Variants in CSMD1 observed in about 807,000 individuals in gnomAD.
The protein encoded by CSMD1 is CUB and sushi domain-containing protein 1.
In CSMD1, 213 loss-of-function variants were observed where a neutral mutation model predicts 417.5. That is an observed-to-expected ratio of 0.51 (90% CI 0.46 to 0.57). The LOEUF is 0.57. Among genes scored for constraint, CSMD1 ranks in the 20% least tolerant of loss-of-function variants. The pLI is 0.00. For synonymous variants in CSMD1, 2,862 were observed against 1,736.8 expected, an observed-to-expected ratio of 1.65 and a Z score of -16.11; for missense variants, 6,923 against 4,529.7, an observed-to-expected ratio of 1.53 and a Z score of -15.17.
intron 5 of CSMD1, among the ~76,000 whole-genome samples, chr8:3,885,781 C>A (rs1348107627): frequency 1.3e-5 from 2 of 152,138 alleles, no homozygotes; most frequent in Non-Finnish European, 2.9e-5. Flanking sequence ...TTATTTATGA[C>A]AGAAAGCTGA....
At chr8:4,728,770 T>A (rs534307345) in intron 1 of CSMD1, among the ~76,000 whole-genome samples, 5 of 151,642 alleles carry the variant, frequency 3.3e-5, no homozygotes, top group East Asian at 3.9e-4. Context: ...AAAAAAAAAA[T>A]AACCAGATGT....
chr8:3,068,670 C>T (rs1447143684), intron 49 of CSMD1, among the ~76,000 whole-genome samples: 1 of 152,096 alleles, frequency 6.6e-6, no homozygotes, highest in Non-Finnish European at 1.5e-5. Flanking sequence ...GGGGAGCAGG[C>T]TTCTCACACG....
chr8:3,317,000 C>T (rs1162281618), intron 23 of CSMD1, among the ~76,000 whole-genome samples: 4 of 151,956 alleles, frequency 2.6e-5, no homozygotes, highest in Admixed American at 6.6e-5. Flanking sequence ...AGAGTGTGTG[C>T]GTGGATGAAG....
At chr8:3,037,229 G>A (rs1329316925) in intron 50 of CSMD1, among the ~76,000 whole-genome samples, 2 of 143,280 alleles carry the variant, frequency 1.4e-5, no homozygotes, top group Non-Finnish European at 1.6e-5. Context: ...TTTTTGAGAC[G>A]GAGTCTCGCT....
intron 2 of CSMD1, among the ~76,000 whole-genome samples, chr8:4,588,026 A>T (rs1038670707): frequency 6.6e-6 from 1 of 152,306 alleles, no homozygotes; most frequent in Admixed American, 6.5e-5. Flanking sequence ...AAGCAAGCAT[A>T]GGAAAAAGAA....
chr8:3,865,971 G>C (rs7843157), intron 5 of CSMD1, among the ~76,000 whole-genome samples: 72,383 of 152,022 alleles, frequency 0.48, 20,893 homozygotes, highest in African/African-American at 0.82. Context: ...ATAATGAAAA[G>C]TGAAAGGAAT....
intron 1 of CSMD1, among the ~76,000 whole-genome samples, chr8:4,842,943 G>C (rs1450476316): frequency 6.6e-6 from 1 of 152,210 alleles, no homozygotes; most frequent in Non-Finnish European, 1.5e-5. Flanking sequence ...ACCAGTGTAT[G>C]TGAAAATCAG....
At chr8:2,954,202 A>G (rs2128921291) in intron 65 of CSMD1, 22 bp downstream of exon 65, 3 of 1,396,344 alleles carry the variant, frequency 2.1e-6, no homozygotes, top group East Asian at 2.5e-5. Flanking sequence ...ATTGAAATCT[A>G]GAACTGTTCT....
chr8:2,991,111 T>C (rs985426050), intron 54 of CSMD1, among the ~76,000 whole-genome samples: 4 of 152,330 alleles, frequency 2.6e-5, no homozygotes, highest in Middle Eastern at 3.4e-3. Flanking sequence ...TAAAAGGTGA[T>C]TTTCTTATTG....
chr8:3,202,484 G>A lies in CSMD1; in HGVS notation c.4985-759C>T, dbSNP rs541349262. On this transcript the variant is annotated intron_variant, in intron 31 of 69. Transcript: ENST00000635120. ...CAAGTGAAACATAACTACATGCTTT[G>A]TGACTTCAAATTTAACTGATGCTGT... 3.9e-4 allele frequency among the ~76,000 whole-genome samples: 59 copies of A among 152,270 alleles called. 1 individual carries two copies. Among genetic ancestry groups the A allele is most frequent in the African/African-American group, 1.2e-3 (49 of 41,564 alleles).
chr8:3,584,139 T>G (rs949487243), intron 9 of CSMD1, among the ~76,000 whole-genome samples: 1 of 152,194 alleles, frequency 6.6e-6, no homozygotes, highest in Non-Finnish European at 1.5e-5. Flanking sequence ...AGTAATAAAC[T>G]TAATAAGAAC....
chr8:4,955,832 T>C (rs1335780943), intron 1 of CSMD1, among the ~76,000 whole-genome samples: 1 of 145,646 alleles, frequency 6.9e-6, no homozygotes, highest in Non-Finnish European at 1.5e-5. Context: ...ATTTAGGTCG[T>C]AGAAATTGGC....
intron 26 of CSMD1, among the ~76,000 whole-genome samples, chr8:3,248,587 T>C (rs866033971): frequency 2.2e-5 from 3 of 136,292 alleles, no homozygotes; most frequent in Non-Finnish European, 4.6e-5. Flanking sequence ...TGGAGTACAG[T>C]GGCGCGATCT....
chr8:4,416,763 T>C (rs1296574671), intron 3 of CSMD1, among the ~76,000 whole-genome samples: 3 of 152,114 alleles, frequency 2.0e-5, no homozygotes, highest in Non-Finnish European at 2.9e-5. Context: ...CATGTCAATT[T>C]TCTGACTTCC....
At chr8:4,147,862 T>G (rs372562473) in intron 3 of CSMD1, among the ~76,000 whole-genome samples, 1 of 152,084 alleles carries the variant, frequency 6.6e-6, no homozygotes, top group Non-Finnish European at 1.5e-5. Flanking sequence ...AAATGGTAGC[T>G]GAGCTTCATG....
At chr8:3,835,565 T>C (rs939767256) in intron 5 of CSMD1, among the ~76,000 whole-genome samples, 3 of 151,898 alleles carry the variant, frequency 2.0e-5, no homozygotes, top group Admixed American at 6.6e-5. Context: ...TCAGGGACTG[T>C]TGTGGGGAGC....
At chr8:4,447,999 G>T (rs955688629) in intron 2 of CSMD1, among the ~76,000 whole-genome samples, 1 of 152,096 alleles carries the variant, frequency 6.6e-6, no homozygotes, top group African/African-American at 2.4e-5. Context: ...TTTTGCCAGG[G>T]GCAGGTGGTA....
In CSMD1 at chr8:4,487,591, G is replaced by C. The variant is rs111803298; in HGVS notation, c.303-67526C>G. Reference sequence around the variant, plus strand: ...TGTTGGACATTTGGGTTGGTTCCAAGTCTTTGCTATTGTGAAGTTTCAAAA... The same window carrying C: ...TGTTGGACATTTGGGTTGGTTCCAACTCTTTGCTATTGTGAAGTTTCAAAA... On this transcript the variant is annotated intron_variant, in intron 2 of 69. Coordinates refer to ENST00000635120, the MANE Select transcript of CSMD1 (RefSeq NM_033225.6). Among the ~76,000 whole-genome samples, 9 of 152,274 alleles carry C rather than the reference G, an allele frequency of 5.9e-5. No homozygotes were observed. In the East Asian group the frequency reaches 1.5e-3, roughly 26 times the overall value.
chr8:4,506,045 C>T (rs1431998180), intron 2 of CSMD1, among the ~76,000 whole-genome samples: 1 of 151,976 alleles, frequency 6.6e-6, no homozygotes, highest in Non-Finnish European at 1.5e-5. Context: ...TATTTTTGAA[C>T]ATCTAACATG....
Sources: gnomAD v4.1 joint callset for allele counts (sites outside exome capture counted in the v4.1 genomes callset) on GRCh38, gnomAD v4.1.1 for gene constraint, MANE v1.5 for transcripts, NCBI Gene and HGNC (gene_info 2026-07-23, HGNC 2026-07-21) for gene names.